MDFIC2: variants seen among roughly 807,000 people sequenced by gnomAD.
MDFIC2 encodes the protein MyoD family inhibitor domain containing 2, also known as myoD family inhibitor domain-containing protein 2.
At chr3:70,227,683 T>C (rs1032395503) in intron 2 of MDFIC2, among the ~76,000 whole-genome samples, 1 of 152,218 alleles carries the variant, frequency 6.6e-6, no homozygotes, top group African/African-American at 2.4e-5. Flanking sequence ...CTACAGGCTT[T>C]TGAGATGCCA....
intron 2 of MDFIC2, among the ~76,000 whole-genome samples, chr3:70,288,901 C>T (rs1416109068): frequency 2.0e-5 from 3 of 149,268 alleles, no homozygotes; most frequent in Admixed American, 6.7e-5. Context: ...TTTTTGTTTT[C>T]CATTTGCTTG....
chr3:70,290,534 A>G (rs980476243), intron 2 of MDFIC2, among the ~76,000 whole-genome samples: 1 of 152,226 alleles, frequency 6.6e-6, no homozygotes, highest in Admixed American at 6.5e-5. Context: ...CCCTGCCCCC[A>G]GAGGTGGAGC....
At chr3:70,275,546 A>G (rs140567160) in intron 2 of MDFIC2, among the ~76,000 whole-genome samples, 1 of 152,108 alleles carries the variant, frequency 6.6e-6, no homozygotes, top group African/African-American at 2.4e-5. Context: ...ATCAAATCAA[A>G]AAAACAAAGG....
chr3:70,272,212 T>C (rs1184653900), intron 2 of MDFIC2: 2 of 152,198 alleles, frequency 1.3e-5, no homozygotes, highest in Admixed American at 6.5e-5. Context: ...TTGACAAAAG[T>C]GCACACCATC....
chr3:70,238,149 C>T (rs1271578484), intron 2 of MDFIC2, among the ~76,000 whole-genome samples: 1 of 151,932 alleles, frequency 6.6e-6, no homozygotes, highest in Non-Finnish European at 1.5e-5. Context: ...CTCCTAGCCA[C>T]AGCAGCTTGT....
chr3:70,266,121 T>A (rs949322458), intron 2 of MDFIC2, among the ~76,000 whole-genome samples: 1 of 152,230 alleles, frequency 6.6e-6, no homozygotes, highest in Non-Finnish European at 1.5e-5. Context: ...ATTTTGGCTA[T>A]TATATCTTTT....
rs537669200 is a variant in MDFIC2 at position 70,202,610 on chromosome 3, T to C, written c.310+3959A>G. ...GCTTTCCTATTCCTTAAACCTGAAT[T>C]AAAGAAGGTTTAAGATGGATCAGAG... On this transcript the variant is annotated intron_variant, in intron 3 of 3. Transcript: ENST00000567252. Among the ~76,000 whole-genome samples, 5 of 152,224 alleles carry C rather than the reference T, an allele frequency of 3.3e-5. No individual in the cohort carries two copies. In the South Asian group the frequency reaches 6.2e-4, roughly 19 times the overall value.
intron 2 of MDFIC2, among the ~76,000 whole-genome samples, chr3:70,216,786 G>GC (rs1036332966): frequency 7.9e-5 from 12 of 152,154 alleles, no homozygotes; most frequent in Middle Eastern, 3.4e-3. Context: ...GGCAGATTTT[G>GC]CCCCCCAAGG....
At chr3:70,217,724 G>A (rs946052167) in intron 2 of MDFIC2, among the ~76,000 whole-genome samples, 1 of 152,084 alleles carries the variant, frequency 6.6e-6, no homozygotes, top group African/African-American at 2.4e-5. Context: ...GGCAGTTAAG[G>A]ACATCCATTC....
intron 2 of MDFIC2, among the ~76,000 whole-genome samples, chr3:70,254,615 C>A (rs1406299515): frequency 1.3e-5 from 2 of 152,060 alleles, no homozygotes; most frequent in East Asian, 3.9e-4. Context: ...AAGTGGAAAA[C>A]AATTTTCCAC....
At chr3:70,302,149 G>T (rs1702355287) in intron 2 of MDFIC2, among the ~76,000 whole-genome samples, 1 of 152,054 alleles carries the variant, frequency 6.6e-6, no homozygotes, top group South Asian at 2.1e-4. Flanking sequence ...TTTCATCTTT[G>T]CTGCACATTT....
At chr3:70,270,427 C>A (rs755598207) in intron 2 of MDFIC2, among the ~76,000 whole-genome samples, 3 of 152,236 alleles carry the variant, frequency 2.0e-5, no homozygotes, top group East Asian at 1.9e-4. Context: ...AATACAAGAT[C>A]TGTTTAAGCA....
chr3:70,272,063 A>C (rs1701980952), intron 2 of MDFIC2: 1 of 152,174 alleles, frequency 6.6e-6, no homozygotes, highest in Non-Finnish European at 1.5e-5. Flanking sequence ...GTGTCTGGCT[A>C]TGGCTAACAC....
At chr3:70,214,053 G>A (rs17006854) in intron 2 of MDFIC2, among the ~76,000 whole-genome samples, 5,828 of 152,104 alleles carry the variant, frequency 0.038, 169 homozygotes, top group East Asian at 0.1. Flanking sequence ...CTCCAGTTGA[G>A]GGATGAAGGC....
At chr3:70,220,788 C>G (rs1701454769) in intron 2 of MDFIC2, among the ~76,000 whole-genome samples, 1 of 152,192 alleles carries the variant, frequency 6.6e-6, no homozygotes, top group Non-Finnish European at 1.5e-5. Flanking sequence ...TTCAGTCTCT[C>G]TGAAGCGTTC....
rs1339852455 is a variant in MDFIC2 at position 70,288,121 on chromosome 3, T to G, written c.88+23765A>C. On this transcript the variant is annotated intron_variant, in intron 2 of 3. Coordinates refer to ENST00000567252, the MANE Select transcript of MDFIC2 (RefSeq NM_001364677.1). ...GCTAGCTTTTGAATGTGTTTGCTCTTGCTTTTCTAGTTCTTTTAATTGTGA... is the reference window on the plus strand; with the variant it reads ...GCTAGCTTTTGAATGTGTTTGCTCTGGCTTTTCTAGTTCTTTTAATTGTGA... 2.2e-3 allele frequency among the ~76,000 whole-genome samples: 317 copies of G among 146,538 alleles called. 3 individuals are homozygous for G. Among genetic ancestry groups the G allele is most frequent in the African/African-American group, 7.7e-3 (302 of 39,442 alleles).
intron 2 of MDFIC2, among the ~76,000 whole-genome samples, chr3:70,305,995 T>C (rs932727547): frequency 6.6e-6 from 1 of 152,224 alleles, no homozygotes; most frequent in Admixed American, 6.5e-5. Flanking sequence ...ATAACCATGA[T>C]AACCAGTGTA....
intron 2 of MDFIC2, among the ~76,000 whole-genome samples, chr3:70,274,937 A>G (rs1225054291): frequency 6.6e-6 from 1 of 152,194 alleles, no homozygotes; most frequent in Non-Finnish European, 1.5e-5. Flanking sequence ...AATGAGTTAT[A>G]TAAAAGTGGG....
chr3:70,251,432 T>C (rs1013615759), intron 2 of MDFIC2, among the ~76,000 whole-genome samples: 1 of 152,226 alleles, frequency 6.6e-6, no homozygotes, highest in African/African-American at 2.4e-5. Flanking sequence ...ATATCAGGTA[T>C]CTGTCTACTG....
Sources: gnomAD v4.1 joint callset for allele counts (sites outside exome capture counted in the v4.1 genomes callset) on GRCh38, gnomAD v4.1.1 for gene constraint, MANE v1.5 for transcripts, NCBI Gene and HGNC (gene_info 2026-07-23, HGNC 2026-07-21) for gene names.